Variants in NR2C2AP observed in about 807,000 individuals in gnomAD.
The protein encoded by NR2C2AP is nuclear receptor 2C2-associated protein.
NR2C2AP carries 13 observed loss-of-function variants against 19.1 expected under a neutral mutation model. The observed-to-expected ratio is 0.68, with a 90% confidence interval of 0.44 to 1.08. The LOEUF (loss-of-function observed/expected upper bound fraction) is 1.08. NR2C2AP is among the 50% of genes least tolerant of loss of function. The pLI is 0.00. For synonymous variants in NR2C2AP, 81 were observed against 64.4 expected, an observed-to-expected ratio of 1.26 and a Z score of -1.23; for missense variants, 181 against 172.7, an observed-to-expected ratio of 1.05 and a Z score of -0.27.
chr19:19,202,326 G>A lies in NR2C2AP; in HGVS notation c.303+5C>T, dbSNP rs532129415. ...CCACCCACCCCAGAAGCAGGGGCAGGATATCTGAAGCGAGTTGTTGTCCTC... is the reference window on the plus strand; with the variant it reads ...CCACCCACCCCAGAAGCAGGGGCAGAATATCTGAAGCGAGTTGTTGTCCTC... On this transcript the variant is annotated splice_donor_5th_base_variant and intron_variant, in intron 4 of 4. Transcript: ENST00000331552. 9.3e-6 allele frequency: 15 copies of A among 1,613,946 alleles called. No individual in the cohort carries two copies. Among genetic ancestry groups the A allele is most frequent in the African/African-American group, 1.3e-5 (1 of 75,054 alleles).
In NR2C2AP at chr19:19,201,812, C is replaced by G. The variant is rs2060724626; in HGVS notation, c.*113G>C. 1.2e-6 allele frequency: 2 copies of G among 1,612,366 alleles called. No homozygotes were observed. The highest frequency in any genetic ancestry group is 3.3e-5 in the Admixed American group (2 of 59,792). ...ACTGACTTCAAAGGCAGCTTCTGGACAGGTGGTGGGAGGGGACCCTTCCCA... is the reference window on the plus strand; with the variant it reads ...ACTGACTTCAAAGGCAGCTTCTGGAGAGGTGGTGGGAGGGGACCCTTCCCA... On this transcript the variant is annotated 3_prime_UTR_variant, in exon 5 of 5. Transcript: ENST00000331552.
rs1309000413 is a variant in NR2C2AP, at chr19:19,201,467, T to TACAA, written c.*454_*457dup. On this transcript the variant is annotated 3_prime_UTR_variant, in exon 5 of 5. Coordinates refer to ENST00000331552, the MANE Select transcript of NR2C2AP (RefSeq NM_176880.6). The stretch of plus-strand genomic sequence containing the variant: ...CTGAAAAGCTACAAAAGTGCATTTT[T>TACAA]ACAAACTTAGGGGAAGTTGAGGTTC... The TACAA allele has an allele frequency of 1.3e-6, 2 of 1,564,666 alleles. No homozygotes were observed. Among genetic ancestry groups the TACAA allele is most frequent in the Non-Finnish European group, 1.7e-6 (2 of 1,163,196 alleles).
rs770082720 is a variant in NR2C2AP, at chr19:19,203,086, C to T, written c.-26G>A. 10 of 1,613,476 alleles carry T rather than the reference C, an allele frequency of 6.2e-6. No homozygotes were observed. In the East Asian group the frequency reaches 1.8e-4, roughly 29 times the overall value. ...GTCGGTTCCACAAGACCTCGCAGGG[C>T]TTAGGATTGGGCACAGCCTTGGTTC... On this transcript the variant is annotated 5_prime_UTR_variant, in exon 1 of 5. Coordinates refer to ENST00000331552, the MANE Select transcript of NR2C2AP (RefSeq NM_176880.6).
At position 19,203,124 on chromosome 19, in the gene NR2C2AP, C is replaced by A; in HGVS notation, c.-64G>T. The A allele has an allele frequency of 6.4e-7, 1 of 1,572,136 alleles. No individual in the cohort carries two copies. ...ACAGCCTTGGTTCGAATCCCGGCGC[C>A]TCCTCAAGCTACAGGGCGGCGCGAT... On this transcript the variant is annotated 5_prime_UTR_variant, in exon 1 of 5. It adds an upstream start codon to the 5' untranslated region. Coordinates refer to ENST00000331552, the MANE Select transcript of NR2C2AP (RefSeq NM_176880.6).
At position 19,201,948 on chromosome 19, in the gene NR2C2AP, G is replaced by A. The variant is rs746222485; in HGVS notation, c.397C>T (p.Arg133Trp). ...FFGRVVIYHLRVLGEKV is the reference protein window; with the variant it reads ...FFGRVVIYHLWVLGEKV The stretch of plus-strand genomic sequence containing the variant: ...TCTCACACCTTCTCCCCAAGCACCC[G>A]CAGGTGGTAGATGACCACACGGCCA... The change falls in exon 5 of 5, where the codon CGG (arginine) becomes TGG (tryptophan). Residue 133 changes from arginine to tryptophan, a missense_variant. Physicochemically the swap from Arg to Trp is moderately radical, Grantham distance 101 (BLOSUM62 -3). Transcript: ENST00000331552. 3.7e-6 allele frequency: 6 copies of A among 1,614,176 alleles called. No individual in the cohort carries two copies. Among genetic ancestry groups the A allele is most frequent in the South Asian group, 2.2e-5 (2 of 91,078 alleles).
chr19:19,202,967 G>A, intron 1 of NR2C2AP, 56 bp downstream of exon 1: 1 of 1,611,694 alleles, frequency 6.2e-7, no homozygotes, highest in South Asian at 1.1e-5. Context: ...TCTGTCCACT[G>A]AGGGCTCGAC....
Position 19,203,086 on chromosome 19 carries a change from C to A in NR2C2AP, c.-26G>T. 6.2e-7 allele frequency: 1 copy of A among 1,613,594 alleles called. No homozygotes were observed. The highest frequency in any genetic ancestry group is 8.5e-7 in the Non-Finnish European group (1 of 1,179,634). The stretch of plus-strand genomic sequence containing the variant: ...GTCGGTTCCACAAGACCTCGCAGGG[C>A]TTAGGATTGGGCACAGCCTTGGTTC... On this transcript the variant is annotated 5_prime_UTR_variant, in exon 1 of 5. Coordinates refer to ENST00000331552, the MANE Select transcript of NR2C2AP (RefSeq NM_176880.6).
Position 19,202,794 on chromosome 19 carries a change from GTC to G in NR2C2AP, c.124_125del (p.Asp42ProfsTer53), listed in dbSNP as rs1568587605. On this transcript the variant is annotated frameshift_variant, in exon 2 of 5. Transcript: ENST00000331552. LOFTEE classifies it high-confidence loss of function. Reference sequence around the variant, plus strand: ...AGGGTCGAGGGAGGCGCCTCACCTGGTCTGAGTTCCAACATGTCTCCTCATCC... The same window carrying G: ...AGGGTCGAGGGAGGCGCCTCACCTGGTGAGTTCCAACATGTCTCCTCATCC... ...DQDEETCWNS[D>X]QGPSQWVTLE... is the part of the protein sequence containing the mutation. 6.2e-7 allele frequency: 1 copy of G among 1,613,478 alleles called. No individual in the cohort carries two copies. Among genetic ancestry groups the G allele is most frequent in the Admixed American group, 1.7e-5 (1 of 60,014 alleles).
intron 4 of NR2C2AP, 76 bp downstream of exon 4, chr19:19,202,255 G>A: frequency 7.1e-7 from 1 of 1,416,504 alleles, no homozygotes; most frequent in Non-Finnish European, 1.0e-6. Flanking sequence ...ACACATCAGG[G>A]TTCCCATTCG....
In NR2C2AP at chr19:19,201,444, GAA is replaced by G; in HGVS notation, c.*479_*480del. 1 of 1,519,516 alleles carries G rather than the reference GAA, an allele frequency of 6.6e-7. No individual in the cohort carries two copies. Among genetic ancestry groups the G allele is most frequent in the Non-Finnish European group, 8.8e-7 (1 of 1,130,764 alleles). 94.1% of individuals were successfully genotyped at this position (1,519,516 alleles called of 1,614,324 possible). On this transcript the variant is annotated 3_prime_UTR_variant, in exon 5 of 5. Transcript: ENST00000331552. ...TAGGAAATATTTTTATATTAATTCTGAAAAGCTACAAAAGTGCATTTTTACAA... is the reference window on the plus strand; with the variant it reads ...TAGGAAATATTTTTATATTAATTCTGAAGCTACAAAAGTGCATTTTTACAA...
chr19:19,201,837 A>C lies in NR2C2AP; in HGVS notation c.*88T>G. On this transcript the variant is annotated 3_prime_UTR_variant, in exon 5 of 5. Coordinates refer to ENST00000331552, the MANE Select transcript of NR2C2AP (RefSeq NM_176880.6). Reference sequence around the variant, plus strand: ...CAGGTGGTGGGAGGGGACCCTTCCCAAGAGGAACCAATAAACCTTCTGTGC... The same window carrying C: ...CAGGTGGTGGGAGGGGACCCTTCCCCAGAGGAACCAATAAACCTTCTGTGC... 1.2e-6 allele frequency: 2 copies of C among 1,611,534 alleles called. No homozygotes were observed. Among genetic ancestry groups the C allele is most frequent in the Non-Finnish European group, 8.5e-7 (1 of 1,178,700 alleles).
chr19:19,202,909 G>C (rs755109451), intron 1 of NR2C2AP, 28 bp from the exon 2 acceptor site: 1 of 1,610,340 alleles, frequency 6.2e-7, no homozygotes, highest in Middle Eastern at 1.7e-4. Flanking sequence ...AAGGCGAAGA[G>C]AGGGGCTGAG....
intron 4 of NR2C2AP, 127 bp from the exon 5 acceptor site, chr19:19,202,168 C>T: frequency 8.4e-7 from 1 of 1,197,324 alleles, no homozygotes; most frequent in East Asian, 2.3e-5. Context: ...TCCCTCTAAG[C>T]CTCTCACACA....
chr19:19,202,590 G>A lies in NR2C2AP; in HGVS notation c.130-15C>T, dbSNP rs1392673743. On this transcript the variant is annotated splice_polypyrimidine_tract_variant and intron_variant, in intron 2 of 4. Coordinates refer to ENST00000331552, the MANE Select transcript of NR2C2AP (RefSeq NM_176880.6). The stretch of plus-strand genomic sequence containing the variant: ...TGGGAGGGGCCCTGGAAGCAGACAG[G>A]GAAACTGAGGCGCAAGCTCACTGCA... 11 of 1,604,146 alleles carry A rather than the reference G, an allele frequency of 6.9e-6. No homozygotes were observed. The highest frequency in any genetic ancestry group is 1.6e-4 in the Middle Eastern group (1 of 6,070).
In NR2C2AP at chr19:19,201,910, C is replaced by T. The variant is rs754869961; in HGVS notation, c.*15G>A. ...TTCCCGGAGGGCTTCCTGGAGGAGACAGCCCCTAGAGGTCTCACACCTTCT... is the reference window on the plus strand; with the variant it reads ...TTCCCGGAGGGCTTCCTGGAGGAGATAGCCCCTAGAGGTCTCACACCTTCT... On this transcript the variant is annotated 3_prime_UTR_variant, in exon 5 of 5. Coordinates refer to ENST00000331552, the MANE Select transcript of NR2C2AP (RefSeq NM_176880.6). 8.0e-5 allele frequency: 129 copies of T among 1,614,128 alleles called. 7 individuals are homozygous for T. The South Asian group carries it at 1.3e-3, about 16-fold the overall frequency.
intron 2 of NR2C2AP, 66 bp downstream of exon 2, chr19:19,202,725 G>A: frequency 6.6e-7 from 1 of 1,511,758 alleles, no homozygotes; most frequent in Non-Finnish European, 9.2e-7. Flanking sequence ...GCCCCCTGAC[G>A]TTCTCAAGGC....
intron 3 of NR2C2AP, 23 bp from the exon 4 acceptor site, chr19:19,202,421 G>A (rs747922869): frequency 6.2e-7 from 1 of 1,613,966 alleles, no homozygotes; most frequent in Non-Finnish European, 8.5e-7. Context: ...AAGGCAATGA[G>A]TGTCTGGGGT....
rs1466521740 is a variant in NR2C2AP at position 19,203,025 on chromosome 19, GCTCA to G, written c.32_35del (p.Val11AlafsTer3). On this transcript the variant is annotated frameshift_variant, in exon 1 of 5. Coordinates refer to ENST00000331552, the MANE Select transcript of NR2C2AP (RefSeq NM_176880.6). LOFTEE classifies it high-confidence loss of function. ...TGCCTGTCCCCACAGACTCTTACCT[GCTCA>G]CTGTCTCTGGACAAACCAAAGAGTG... The G allele has an allele frequency of 1.9e-6, 3 of 1,613,986 alleles. No individual in the cohort carries two copies. Among genetic ancestry groups the G allele is most frequent in the Admixed American group, 1.7e-5 (1 of 59,990 alleles).
chr19:19,202,209 A>G (rs937258465), intron 4 of NR2C2AP, 122 bp downstream of exon 4: 15 of 1,197,960 alleles, frequency 1.3e-5, no homozygotes, highest in Non-Finnish European at 1.9e-5. Flanking sequence ...CATTTTACAG[A>G]AAAAGTGGAG....
Sources: allele counts gnomAD v4.1 joint callset, GRCh38; gene constraint gnomAD v4.1.1; transcripts MANE v1.5; gene names NCBI Gene and HGNC (gene_info 2026-07-23, HGNC 2026-07-21).